Variants in RBFOX1 observed in about 807,000 individuals in gnomAD.
RBFOX1 encodes the protein RNA binding protein fox-1 homolog 1.
RBFOX1 carries 8 observed loss-of-function variants against 57.7 expected under a neutral mutation model. That is an observed-to-expected ratio of 0.14 (90% CI 0.08 to 0.25). The LOEUF (loss-of-function observed/expected upper bound fraction) is 0.25, where lower values mean the gene tolerates loss of function less well. Among genes scored for constraint, RBFOX1 ranks in the 10% least tolerant of loss-of-function variants. The pLI is 1.00. For synonymous variants in RBFOX1, 326 were observed against 222.4 expected (o/e 1.47, Z -4.15); for missense variants, 611 against 548.5 (o/e 1.11, Z -1.14).
At chr16:5,759,872 A>G (rs1287260170) in intron 3 of RBFOX1, among the ~76,000 whole-genome samples, 4 of 152,154 alleles carry the variant, frequency 2.6e-5, no homozygotes, top group Non-Finnish European at 5.9e-5. Flanking sequence ...CATCTTGATC[A>G]AACGGCCTTA....
At chr16:7,139,413 T>A (rs35269146) in intron 4 of RBFOX1, among the ~76,000 whole-genome samples, 118,935 of 151,422 alleles carry the variant, frequency 0.79, 46,737 homozygotes, top group Middle Eastern at 0.85. Flanking sequence ...TTTTCCTTCT[T>A]GAGTTCAGAG....
chr16:5,636,515 T>A (rs554884619), intron 3 of RBFOX1, among the ~76,000 whole-genome samples: 14 of 151,598 alleles, frequency 9.2e-5, no homozygotes, highest in African/African-American at 3.1e-4. Context: ...TTTTATTGGC[T>A]GGGTCATGGA....
intron 3 of RBFOX1, among the ~76,000 whole-genome samples, chr16:5,656,025 C>G (rs1222693080): frequency 6.6e-6 from 1 of 152,112 alleles, no homozygotes; most frequent in Non-Finnish European, 1.5e-5. Flanking sequence ...AGTACGTGCT[C>G]GTTAAAAGCT....
chr16:7,069,814 C>G (rs138139323), intron 4 of RBFOX1, among the ~76,000 whole-genome samples: 2 of 152,310 alleles, frequency 1.3e-5, no homozygotes, highest in African/African-American at 2.4e-5. Context: ...TGTGTTCCTC[C>G]TATCCATGTC....
chr16:5,373,505 G>C (rs1157164395), intron 1 of RBFOX1, among the ~76,000 whole-genome samples: 1 of 152,032 alleles, frequency 6.6e-6, no homozygotes, highest in African/African-American at 2.4e-5. Context: ...AGACGCACCT[G>C]TTCCCTCTTT....
chr16:5,684,603 G>A (rs1029957150), intron 3 of RBFOX1, among the ~76,000 whole-genome samples: 2 of 152,108 alleles, frequency 1.3e-5, no homozygotes, highest in Non-Finnish European at 2.9e-5. Flanking sequence ...ATGACCCCAC[G>A]GTTAATAAAG....
intron 4 of RBFOX1, among the ~76,000 whole-genome samples, chr16:7,073,797 G>C (rs919561026): frequency 6.6e-6 from 1 of 152,104 alleles, no homozygotes; most frequent in Non-Finnish European, 1.5e-5. Context: ...CAAGAGGTCA[G>C]AGTGAGCTGT....
At chr16:7,359,235 G>C (rs754979977) in intron 4 of RBFOX1, among the ~76,000 whole-genome samples, 1 of 152,138 alleles carries the variant, frequency 6.6e-6, no homozygotes, top group African/African-American at 2.4e-5. Flanking sequence ...TCAGAGGGAC[G>C]ATTATGAGAA....
intron 3 of RBFOX1, among the ~76,000 whole-genome samples, chr16:6,895,248 G>A (rs1046771946): frequency 7.9e-5 from 12 of 151,696 alleles, no homozygotes; most frequent in African/African-American, 2.9e-4. Flanking sequence ...TATCCCAAAT[G>A]TATATCCCCA....
chr16:5,550,684 AG>A (rs1322120762), intron 2 of RBFOX1, among the ~76,000 whole-genome samples: 4 of 152,200 alleles, frequency 2.6e-5, no homozygotes, highest in Non-Finnish European at 5.9e-5. Flanking sequence ...AAGCAGACAA[AG>A]CTCCCTGTCC....
Position 6,019,874 on chromosome 16 carries a change from C to T in RBFOX1, c.-245C>T. 1.3e-6 allele frequency: 2 copies of T among 1,534,576 alleles called. No individual in the cohort carries two copies. Among genetic ancestry groups the T allele is most frequent in the Non-Finnish European group, 1.7e-6 (2 of 1,146,314 alleles). ...TTGCGGACAGTGCGTGAGAAACCAG[C>T]ACCCCCTTCCGCCGCCTCCAGCTTA... On this transcript the variant is annotated 5_prime_UTR_variant, in exon 1 of 16. Transcript: ENST00000550418. The surrounding 1 kb of genome is among the most constrained non-coding windows in gnomAD (Gnocchi z 4.2).
At chr16:6,865,294 T>C (rs2059732258) in intron 3 of RBFOX1, among the ~76,000 whole-genome samples, 1 of 152,072 alleles carries the variant, frequency 6.6e-6, no homozygotes, top group African/African-American at 2.4e-5. Flanking sequence ...TGAGCCACCG[T>C]GCCCGACCTG....
chr16:5,643,567 T>C (rs1285198082), intron 3 of RBFOX1, among the ~76,000 whole-genome samples: 1 of 152,206 alleles, frequency 6.6e-6, no homozygotes, highest in African/African-American at 2.4e-5. Context: ...GAATGCTTCA[T>C]GATTTTTTAT....
rs1435901898 is a variant in RBFOX1, at chr16:5,864,221, G to A, written c.319-3082G>A. 3.9e-5 allele frequency among the ~76,000 whole-genome samples: 6 copies of A among 152,282 alleles called. No individual in the cohort carries two copies. In the South Asian group the frequency reaches 6.2e-4, roughly 16 times the overall value. On this transcript the variant is annotated intron_variant, in intron 3 of 19. Coordinates refer to the RBFOX1 transcript ENST00000641259. ...CCTCCAGCTCCATCGATGTCCCTGC[G>A]AAGTCCATGATCACAACACTATTCA...
chr16:6,629,978 A>ATT (rs1383079707), intron 2 of RBFOX1, among the ~76,000 whole-genome samples: 7 of 148,876 alleles, frequency 4.7e-5, no homozygotes, highest in African/African-American at 1.8e-4. Context: ...TTTTTTAAAA[A>ATT]AAAAAAAGAC....
At chr16:5,885,308 T>C (rs1419615953) in intron 4 of RBFOX1, among the ~76,000 whole-genome samples, 1 of 147,408 alleles carries the variant, frequency 6.8e-6, no homozygotes, top group Non-Finnish European at 1.5e-5. Context: ...CACGTTAGAC[T>C]CCTGGAGGCT....
chr16:6,623,416 C>T lies in RBFOX1; in HGVS notation c.-63-31187C>T, dbSNP rs1013645660. On this transcript the variant is annotated intron_variant, in intron 2 of 15. Transcript: ENST00000550418. ...TTCATGCAACCCCTGGTACTGAGTC[C>T]ATGCTGCATATTGTTAGGTGAAAAT... Among the ~76,000 whole-genome samples, 6 of 150,588 alleles carry T rather than the reference C, an allele frequency of 4.0e-5. No homozygotes were observed. In the Admixed American group the frequency reaches 4.0e-4, roughly 10 times the overall value.
intron 3 of RBFOX1, among the ~76,000 whole-genome samples, chr16:6,863,331 A>G (rs1033543053): frequency 2.0e-5 from 3 of 152,150 alleles, no homozygotes; most frequent in African/African-American, 7.2e-5. Flanking sequence ...GGGTAGAGAC[A>G]AAACGTGGCT....
chr16:6,952,069 T>C (rs1322962099), intron 3 of RBFOX1, among the ~76,000 whole-genome samples: 2 of 152,214 alleles, frequency 1.3e-5, no homozygotes, highest in Non-Finnish European at 2.9e-5. Flanking sequence ...GTTGATCAGA[T>C]ACATGTACCT....
Sources: gnomAD v4.1 joint callset for allele counts (sites outside exome capture counted in the v4.1 genomes callset) on GRCh38, gnomAD v4.1.1 for gene constraint, Gnocchi (gnomAD v3.1) non-coding constraint, MANE v1.5 for transcripts, NCBI Gene and HGNC (gene_info 2026-07-23, HGNC 2026-07-21) for gene names.